The following NBAS variants were observed in gnomAD, a reference collection of about 807,000 sequenced individuals.
The protein encoded by NBAS is NBAS subunit of NRZ tethering complex.
NBAS carries 219 observed loss-of-function variants against 302.5 expected under a neutral mutation model. The ratio of observed to expected loss-of-function variants is 0.72; its 90% CI spans 0.65 to 0.81. NBAS has a LOEUF of 0.81. NBAS is among the 30% of genes least tolerant of loss of function. The pLI, the probability that NBAS is intolerant of heterozygous loss-of-function variation, is 0.00. For missense variants in NBAS, 2,932 were observed against 2,841.6 expected, an observed-to-expected ratio of 1.03 and a Z score of -0.72; for synonymous variants, 1,118 against 1,021.6, an observed-to-expected ratio of 1.09 and a Z score of -1.80.
the NBAS span, among the ~76,000 whole-genome samples, chr2:15,077,371 C>T: frequency 2.6e-5 from 4 of 152,304 alleles, no homozygotes; most frequent in East Asian, 7.7e-4. Context: ...GGCACAGAGA[C>T]AAACTATATC....
chr2:15,079,340 A>T, the NBAS span, among the ~76,000 whole-genome samples: 2 of 152,118 alleles, frequency 1.3e-5, no homozygotes, highest in Non-Finnish European at 1.5e-5. Flanking sequence ...CCTACAAAGC[A>T]GGATATGATA....
chr2:15,459,505 T>A (rs1367585466), intron 21 of NBAS, among the ~76,000 whole-genome samples: 2 of 150,036 alleles, frequency 1.3e-5, no homozygotes, highest in African/African-American at 4.9e-5. Flanking sequence ...CATTTTTTCT[T>A]TTTTTTTGAG....
chr2:14,944,092 G>A, the NBAS span, among the ~76,000 whole-genome samples: 1 of 152,230 alleles, frequency 6.6e-6, no homozygotes, highest in South Asian at 2.1e-4. Context: ...GAGGTCAGGA[G>A]ATCGAGACCA....
chr2:15,007,794 A>G, the NBAS span, among the ~76,000 whole-genome samples: 2 of 152,084 alleles, frequency 1.3e-5, no homozygotes, highest in South Asian at 4.1e-4. Flanking sequence ...TGAAAATGAA[A>G]AGAGCTTGGA....
At chr2:14,826,814 C>T in the NBAS span, among the ~76,000 whole-genome samples, 2 of 152,246 alleles carry the variant, frequency 1.3e-5, no homozygotes, top group Non-Finnish European at 2.9e-5. Context: ...CCTTTGCTGT[C>T]ACTCACAGGC....
At chr2:15,418,033 A>G (rs1677032486) in intron 23 of NBAS, among the ~76,000 whole-genome samples, 1 of 152,142 alleles carries the variant, frequency 6.6e-6, no homozygotes, top group South Asian at 2.1e-4. Flanking sequence ...TTATATTTAC[A>G]TAATAAGAGA....
At chr2:14,953,616 C>A in the NBAS span, among the ~76,000 whole-genome samples, 1 of 152,148 alleles carries the variant, frequency 6.6e-6, no homozygotes, top group Non-Finnish European at 1.5e-5. Flanking sequence ...TGCCCAGGCA[C>A]ATAGAACCAG....
chr2:14,945,382 C>T, the NBAS span, among the ~76,000 whole-genome samples: 18 of 152,136 alleles, frequency 1.2e-4, no homozygotes, highest in Non-Finnish European at 2.4e-4. Context: ...CAGACACAGA[C>T]CTACATCACA....
chr2:15,323,049 T>C (rs961927287), intron 38 of NBAS, among the ~76,000 whole-genome samples: 1 of 152,234 alleles, frequency 6.6e-6, no homozygotes, highest in Non-Finnish European at 1.5e-5. Flanking sequence ...AACTCCTTAG[T>C]AGACTCAGAT....
At chr2:14,922,157 G>A in the NBAS span, among the ~76,000 whole-genome samples, 2 of 152,198 alleles carry the variant, frequency 1.3e-5, no homozygotes, top group African/African-American at 2.4e-5. Flanking sequence ...AGAAAACAGA[G>A]ATGTCAGAAA....
chr2:15,287,206 C>T (rs867476776), intron 41 of NBAS, 23 bp from the exon 42 acceptor site: 4 of 1,585,636 alleles, frequency 2.5e-6, no homozygotes, highest in Non-Finnish European at 3.5e-6. Flanking sequence ...CCATCAAGCC[C>T]AGGAAGGGAG....
chr2:15,339,044 C>T (rs562047050), intron 35 of NBAS, among the ~76,000 whole-genome samples: 1 of 152,106 alleles, frequency 6.6e-6, no homozygotes, highest in African/African-American at 2.4e-5. Flanking sequence ...CAATATTAAG[C>T]ATACTATTTC....
chr2:15,531,680 C>T (rs1373462310), intron 9 of NBAS, among the ~76,000 whole-genome samples: 1 of 152,208 alleles, frequency 6.6e-6, no homozygotes, highest in African/African-American at 2.4e-5. Flanking sequence ...TCTGCTTCAG[C>T]CTAACTGTCT....
At chr2:15,248,901 A>C (rs1277433822) in intron 44 of NBAS, among the ~76,000 whole-genome samples, 3 of 152,198 alleles carry the variant, frequency 2.0e-5, no homozygotes, top group Admixed American at 6.5e-5. Flanking sequence ...AGCTGGTACC[A>C]TTCCTTCTGA....
chr2:15,172,421 C>T (rs1664341307), intron 51 of NBAS, among the ~76,000 whole-genome samples: 1 of 152,092 alleles, frequency 6.6e-6, no homozygotes, highest in Non-Finnish European at 1.5e-5. Context: ...AACATTCTAA[C>T]CTATTGTTTA....
intron 21 of NBAS, among the ~76,000 whole-genome samples, chr2:15,454,804 A>C (rs1348216973): frequency 6.6e-6 from 1 of 151,874 alleles, no homozygotes; most frequent in African/African-American, 2.4e-5. Flanking sequence ...TCTGATACTC[A>C]CCTTCCATAA....
the NBAS span, among the ~76,000 whole-genome samples, chr2:14,810,430 G>A: frequency 6.6e-6 from 1 of 152,188 alleles, no homozygotes; most frequent in Non-Finnish European, 1.5e-5. Flanking sequence ...CCCTGCACAA[G>A]CTCTCTCTTT....
intron 44 of NBAS, 111 bp downstream of exon 44, chr2:15,275,373 A>T: frequency 7.9e-7 from 1 of 1,266,762 alleles, no homozygotes; most frequent in Non-Finnish European, 1.1e-6. Context: ...TTAAAAAGCC[A>T]ACATGTAATT....
the NBAS span, among the ~76,000 whole-genome samples, chr2:14,905,834 T>C: frequency 0.34 from 51,725 of 152,026 alleles, 10,253 homozygotes; most frequent in African/African-American, 0.56. Flanking sequence ...CCATCGAGGC[T>C]CAAAGGCAAC....
Sources: allele counts gnomAD v4.1 joint callset (sites outside exome capture counted in the v4.1 genomes callset), GRCh38; gene constraint gnomAD v4.1.1; transcripts MANE v1.5; gene names NCBI Gene and HGNC (gene_info 2026-07-23, HGNC 2026-07-21).